The following CCND3 variants were observed in gnomAD, a reference collection of about 807,000 sequenced individuals.
The protein encoded by CCND3 is G1/S-specific cyclin-D3.
A neutral mutation model predicts 28.7 loss-of-function variants in CCND3; 9 were observed. The ratio of observed to expected loss-of-function variants is 0.31; its 90% CI spans 0.19 to 0.55. CCND3 has a LOEUF of 0.55. CCND3 is among the 20% of genes least tolerant of loss of function. The probability of loss-of-function intolerance (pLI) is 0.93; values close to 1 mark genes in which losing one functional copy is unlikely to be tolerated. For synonymous variants in CCND3, 164 were observed against 163.9 expected (o/e 1.00, Z 0.00); for missense variants, 315 against 385.8 (o/e 0.82, Z 1.54).
intron 1 of CCND3, among the ~76,000 whole-genome samples, chr6:41,992,783 C>T (rs1762693673): frequency 6.6e-6 from 1 of 151,882 alleles, no homozygotes; most frequent in African/African-American, 2.4e-5. Context: ...CTCGCTCTGT[C>T]ACCTAGGCTA....
chr6:42,002,595 G>A (rs1269130806), intron 1 of CCND3, among the ~76,000 whole-genome samples: 1 of 152,154 alleles, frequency 6.6e-6, no homozygotes, highest in Non-Finnish European at 1.5e-5. Flanking sequence ...GCTCACGCCT[G>A]TAATCCCAGC....
chr6:41,998,971 G>A (rs945414732), intron 1 of CCND3, among the ~76,000 whole-genome samples: 6 of 152,236 alleles, frequency 3.9e-5, no homozygotes, highest in South Asian at 2.1e-4. Flanking sequence ...GAGCCACCCC[G>A]CCTGGCTGGT....
intron 1 of CCND3, among the ~76,000 whole-genome samples, chr6:42,039,170 G>T (rs1326827804): frequency 6.6e-6 from 1 of 152,192 alleles, no homozygotes; most frequent in Non-Finnish European, 1.5e-5. Flanking sequence ...AAATGGAAGA[G>T]AATGTCCAAA....
At chr6:41,999,493 C>T (rs141078234) in intron 1 of CCND3, among the ~76,000 whole-genome samples, 1,525 of 152,172 alleles carry the variant, frequency 0.01, 35 homozygotes, top group African/African-American at 0.034. Context: ...CATGAGCCAC[C>T]GTGCCTGGCC....
At chr6:41,996,584 T>A (rs1762813222) in intron 1 of CCND3, among the ~76,000 whole-genome samples, 2 of 152,170 alleles carry the variant, frequency 1.3e-5, no homozygotes, top group African/African-American at 4.8e-5. Context: ...TTATGTCTCT[T>A]CTACCATTTA....
intron 1 of CCND3, among the ~76,000 whole-genome samples, chr6:42,046,327 C>T (rs980263908): frequency 6.6e-6 from 1 of 152,196 alleles, no homozygotes; most frequent in Non-Finnish European, 1.5e-5. Flanking sequence ...TATACAGATG[C>T]AGCTTTGGAA....
At chr6:42,049,794 G>A (rs952844643), upstream of CCND3, 1 of 152,316 alleles carries the variant, frequency 6.6e-6, no homozygotes, top group Admixed American at 6.5e-5. Flanking sequence ...GGATGCTCCA[G>A]GGTTTCCCAA....
chr6:42,044,560 C>T (rs553638876), intron 1 of CCND3, among the ~76,000 whole-genome samples: 6 of 152,218 alleles, frequency 3.9e-5, no homozygotes, highest in Middle Eastern at 3.4e-3. Context: ...GCTCTAAGCC[C>T]CATTTGTTAG....
chr6:41,957,015 A>G (rs531622254), intron 1 of CCND3, among the ~76,000 whole-genome samples: 1 of 152,216 alleles, frequency 6.6e-6, no homozygotes, highest in Non-Finnish European at 1.5e-5. Flanking sequence ...TGGGCAACAG[A>G]ATGAGACTCC....
chr6:41,937,027 C>A, intron 3 of CCND3: 1 of 621,562 alleles, frequency 1.6e-6, no homozygotes. Flanking sequence ...CTCTCTATAC[C>A]CTCAGTGTCC....
chr6:41,951,562 ACACACACACACAC>A, intron 1 of CCND3, among the ~76,000 whole-genome samples: 1 of 89,058 alleles, frequency 1.1e-5, no homozygotes, highest in South Asian at 5.5e-4. Context: ...ACACACACAC[ACACACACACACAC>A]AAAAAAAAAG....
intron 1 of CCND3, among the ~76,000 whole-genome samples, chr6:41,956,679 G>A (rs559979691): frequency 2.7e-4 from 41 of 152,242 alleles, no homozygotes; most frequent in African/African-American, 9.6e-4. Flanking sequence ...TTCTGCCTTA[G>A]AAACCTATAT....
intron 1 of CCND3, among the ~76,000 whole-genome samples, chr6:42,013,638 T>A (rs1373655894): frequency 6.6e-6 from 1 of 152,212 alleles, no homozygotes; most frequent in Non-Finnish European, 1.5e-5. Flanking sequence ...CAGAATCCTT[T>A]TGTTAACTTC....
Position 42,048,285 on chromosome 6 carries a change from A to G in CCND3, c.-46+216T>C, listed in dbSNP as rs1162337791. 3.2e-6 allele frequency: 1 copy of G among 310,460 alleles called. No individual in the cohort carries two copies. The highest frequency in any genetic ancestry group is 2.2e-5 in the African/African-American group (1 of 44,580). 19.2% of individuals were successfully genotyped at this position (310,460 alleles called of 1,614,324 possible). A position where few individuals can be genotyped will look rare whatever the true frequency, so the allele number is the denominator to read the frequency against. On this transcript the variant is annotated intron_variant, in intron 1 of 4. Transcript: ENST00000372988. The surrounding 1 kb of genome is among the most constrained non-coding windows in gnomAD (Gnocchi z 4.7). ...GAGGGGGTTGTGCCGATGTGTGTAC[A>G]TACAGAGGGCTCAGGGCCTTTGGGG...
At chr6:42,020,646 C>G (rs114056474) in intron 1 of CCND3, among the ~76,000 whole-genome samples, 2,308 of 152,334 alleles carry the variant, frequency 0.015, 54 homozygotes, top group African/African-American at 0.052. Flanking sequence ...GAAGCCTTCC[C>G]CTCACCCGTA....
intron 1 of CCND3, among the ~76,000 whole-genome samples, chr6:42,044,454 A>G (rs947734816): frequency 6.6e-6 from 1 of 152,218 alleles, no homozygotes; most frequent in Non-Finnish European, 1.5e-5. Flanking sequence ...AAAGAATGAC[A>G]TAGAAGAGGA....
At chr6:41,979,605 G>GA (rs1281598599) in intron 1 of CCND3, among the ~76,000 whole-genome samples, 6 of 141,264 alleles carry the variant, frequency 4.2e-5, no homozygotes, top group Non-Finnish European at 9.1e-5. Flanking sequence ...GTCAGACAAG[G>GA]AAAAAATCTC....
At chr6:42,038,030 C>A (rs1193322792) in intron 1 of CCND3, among the ~76,000 whole-genome samples, 83 of 85,836 alleles carry the variant, frequency 9.7e-4, no homozygotes, top group East Asian at 5.0e-3. Context: ...GACTCGGTCT[C>A]AAAAAAAAAA....
intron 1 of CCND3, among the ~76,000 whole-genome samples, chr6:41,963,783 C>T (rs1554161017): frequency 6.6e-6 from 1 of 152,214 alleles, no homozygotes; most frequent in Non-Finnish European, 1.5e-5. Context: ...TACCTGGACT[C>T]CATCAAATGG....
Sources: gnomAD v4.1 joint callset for allele counts (sites outside exome capture counted in the v4.1 genomes callset) on GRCh38, gnomAD v4.1.1 for gene constraint, Gnocchi (gnomAD v3.1) non-coding constraint, MANE v1.5 for transcripts, NCBI Gene and HGNC (gene_info 2026-07-23, HGNC 2026-07-21) for gene names.